The following ELOA2 variants were observed in gnomAD, a reference collection of about 807,000 sequenced individuals.
The protein encoded by ELOA2 is elongin A2, also known as elongin-A2.
For synonymous variants in ELOA2, 497 were observed against 398.8 expected (o/e 1.25, Z -2.94); for missense variants, 1,271 against 979.7 (o/e 1.30, Z -3.97).
chr18:47,033,886 G>A lies in ELOA2; in HGVS notation c.1379C>T (p.Ser460Leu), dbSNP rs536619955. ...GGCCTCTGAGAGGTCCCAGAGCTCT[G>A]AGAAGACATGGCTGGGCACCGTTTT... ...GPKTVPSHVF[S>L]ELWDLSEAWM... The change falls in exon 1 of 1, where the codon TCA becomes TTA. Residue 460 changes from serine (S) to leucine (L), a missense_variant. Physicochemically the swap from Ser to Leu is moderately radical, Grantham distance 145 (BLOSUM62 -2). Coordinates refer to ENST00000332567, the MANE Select transcript of ELOA2 (RefSeq NM_016427.3). The A allele has an allele frequency of 1.6e-4, 258 of 1,613,786 alleles. 2 individuals are homozygous for A. In the Admixed American group the frequency reaches 4.2e-3, roughly 27 times the overall value.
chr18:47,033,315 C>A lies in ELOA2; in HGVS notation c.1950G>T (p.Thr650=), dbSNP rs1445000148. 6.2e-7 allele frequency: 1 copy of A among 1,613,552 alleles called. No homozygotes were observed. The highest frequency in any genetic ancestry group is 1.3e-5 in the African/African-American group (1 of 74,918). Residue 650 remains threonine, a synonymous_variant, in exon 1 of 1, where the codon ACG becomes ACT. Transcript: ENST00000332567. ...KMICFKSVAK[T]PYDTSRRQEK... ...CTTGCCTCCTTGAAGTATCATAAGG[C>A]GTCTTGGCCACAGATTTGAAACAGA...
rs369739936 is a variant in ELOA2, at chr18:47,034,345, C to T, written c.920G>A (p.Arg307Lys). 3.3e-5 allele frequency: 53 copies of T among 1,613,470 alleles called. No individual in the cohort carries two copies. The highest frequency in any genetic ancestry group is 4.2e-5 in the Non-Finnish European group (49 of 1,179,622). ...LEEAPDSHQK[R>K]PQHSHSNKKR... ...CTTGTTCGAGTGACTGTGCTGAGGC[C>T]TCTTCTGGTGACTGTCTGGAGCCTC... The change falls in exon 1 of 1, where the codon AGG (arginine) becomes AAG (lysine). Residue 307 changes from arginine to lysine, a missense_variant. Coordinates refer to ENST00000332567, the MANE Select transcript of ELOA2 (RefSeq NM_016427.3).
chr18:47,033,279 T>C lies in ELOA2; in HGVS notation c.1986A>G (p.Ala662=). 6.2e-7 allele frequency: 1 copy of C among 1,613,532 alleles called. No homozygotes were observed. Among genetic ancestry groups the C allele is most frequent in the Non-Finnish European group, 8.5e-7 (1 of 1,180,032 alleles). The change falls in exon 1 of 1, where the codon GCA becomes GCG. Residue 662 remains alanine, a synonymous_variant. Coordinates refer to ENST00000332567, the MANE Select transcript of ELOA2 (RefSeq NM_016427.3). ...CCCCATTTTCGGGGTCAGCGTCTCC[T>C]GCAGACTTCTCTTGCCTCCTTGAAG... ...YDTSRRQEKS[A]GDADPENGEI...
Position 47,033,999 on chromosome 18 carries a change from C to T in ELOA2, c.1266G>A (p.Glu422=), listed in dbSNP as rs770539652. 6 of 1,613,838 alleles carry T rather than the reference C, an allele frequency of 3.7e-6. No individual in the cohort carries two copies. The highest frequency in any genetic ancestry group is 5.1e-6 in the Non-Finnish European group (6 of 1,180,046). Residue 422 remains glutamate (E), a synonymous_variant, in exon 1 of 1, where the codon GAG becomes GAA. Transcript: ENST00000332567. ...GCAATTTCTTAGCCGAATCCCAGGA[C>T]TCACGAGTGCCCTTGGATTCGTTTG... ...RKANESKGTR[E]SWDSAKKLPP...
At position 47,035,188 on chromosome 18, in the gene ELOA2, T is replaced by A; in HGVS notation, c.77A>T (p.Lys26Met). The A allele has an allele frequency of 6.2e-7, 1 of 1,612,530 alleles. No homozygotes were observed. Among genetic ancestry groups the A allele is most frequent in the South Asian group, 1.1e-5 (1 of 91,006 alleles). ...VRLATKTEPK[K>M]LEKYLQKLSA... ...GAGTTTCTGCAAATATTTCTCTAGC[T>A]TTTTCGGCTCCGTCTTAGTGGCCAG... The change falls in exon 1 of 1, where the codon AAG becomes ATG. Residue 26 changes from lysine to methionine, a missense_variant. Lys to Met is a moderately conservative substitution (Grantham distance 95). Coordinates refer to ENST00000332567, the MANE Select transcript of ELOA2 (RefSeq NM_016427.3).
At position 47,034,456 on chromosome 18, in the gene ELOA2, C is replaced by T; in HGVS notation, c.809G>A (p.Ser270Asn). 1.9e-6 allele frequency: 3 copies of T among 1,614,186 alleles called. No homozygotes were observed. Among genetic ancestry groups the T allele is most frequent in the Non-Finnish European group, 2.5e-6 (3 of 1,180,048 alleles). ...GTCCGAAGGCTGCCTGTCCCTGGCA[C>T]TTGCCCAGGAGGGCATCCTTGGGGT... ...EETPRMPSWA[S>N]ARDRQPSDFK... The change falls in exon 1 of 1, where the codon AGT becomes AAT. Residue 270 changes from serine (S) to asparagine (N), a missense_variant. By Grantham distance (46) the Ser-to-Asn change is conservative. Coordinates refer to ENST00000332567, the MANE Select transcript of ELOA2 (RefSeq NM_016427.3).
rs1198188279 is a variant in ELOA2, at chr18:47,032,996, C to G, written c.*7G>C. On this transcript the variant is annotated 3_prime_UTR_variant, in exon 1 of 1. Transcript: ENST00000332567. ...CCCAGATTTTATCTGCAAGGCAAGT[C>G]CTGAGTTTATCGTCGGGAGAATCTT... is the stretch of plus-strand genomic sequence containing the variant. 2.5e-6 allele frequency: 4 copies of G among 1,613,928 alleles called. No individual in the cohort carries two copies. The highest frequency in any genetic ancestry group is 1.7e-5 in the Admixed American group (1 of 60,010).
rs1260510100 is a variant in ELOA2 at position 47,034,211 on chromosome 18, G to A, written c.1054C>T (p.Pro352Ser). 2.5e-6 allele frequency: 4 copies of A among 1,613,760 alleles called. No homozygotes were observed. The African/African-American group carries it at 5.3e-5, about 22-fold the overall frequency. ...GACGTTCTGTCCAAATGAGCAGTCG[G>A]TGGCTTCCCCTCTTGAGTCTCTCGG... ...NDRETQEGKPPTAHLDRTSVS... is the reference protein window; with the variant it reads ...NDRETQEGKPSTAHLDRTSVS... The change falls in exon 1 of 1, where the codon CCG becomes TCG. Residue 352 changes from proline to serine, a missense_variant. Transcript: ENST00000332567.
At position 47,034,672 on chromosome 18, in the gene ELOA2, G is replaced by A. The variant is rs373214046; in HGVS notation, c.593C>T (p.Thr198Ile). 175 of 1,613,494 alleles carry A rather than the reference G, an allele frequency of 1.1e-4. No homozygotes were observed. The highest frequency in any genetic ancestry group is 1.7e-4 in the Middle Eastern group (1 of 5,752). ...CAGAGGCCCGCCCTGAGCCGCGTGA[G>A]TGTGGCCTCTTCCGGGTTGCTTCCC... ...APGKQPGRGH[T>I]HAAQGGPLLC... The change falls in exon 1 of 1, where the codon ACT becomes ATT. Residue 198 changes from threonine (T) to isoleucine (I), a missense_variant. Physicochemically the swap from Thr to Ile is moderately conservative, Grantham distance 89. Transcript: ENST00000332567.
Position 47,033,205 on chromosome 18 carries a change from C to G in ELOA2, c.2060G>C (p.Ser687Thr). The change falls in exon 1 of 1, where the codon AGC becomes ACC. Residue 687 changes from serine (S) to threonine (T), a missense_variant. Coordinates refer to ENST00000332567, the MANE Select transcript of ELOA2 (RefSeq NM_016427.3). ...KPAGSSHTPS[S>T]QSSSGGGRDS... ...TCTGCCACCGCCGCTGCTGCTCTGG[C>G]TGGAGGGAGTGTGGCTGCTTCCCGC... 6.2e-7 allele frequency: 1 copy of G among 1,614,080 alleles called. No individual in the cohort carries two copies. The highest frequency in any genetic ancestry group is 1.1e-5 in the South Asian group (1 of 91,080).
Position 47,034,148 on chromosome 18 carries a change from C to T in ELOA2, c.1117G>A (p.Ala373Thr), listed in dbSNP as rs760844696. Residue 373 changes from alanine to threonine, a missense_variant, in exon 1 of 1, where the codon GCT becomes ACT. Transcript: ENST00000332567. The part of the protein sequence containing the change: ...SLSEVEEVDM[A>T]EEFEQPTLSC... ...AGAGTGGGCTGCTCGAATTCCTCAGCCATATCTACCTCCTCCACCTCAGAG... is the reference window on the plus strand; with the variant it reads ...AGAGTGGGCTGCTCGAATTCCTCAGTCATATCTACCTCCTCCACCTCAGAG... 4.3e-6 allele frequency: 7 copies of T among 1,614,206 alleles called. No individual in the cohort carries two copies. Among genetic ancestry groups the T allele is most frequent in the Non-Finnish European group, 5.9e-6 (7 of 1,180,046 alleles).
rs1400774122 is a variant in ELOA2 at position 47,033,663 on chromosome 18, G to C, written c.1602C>G (p.Ala534=). ...CGTCCGGATTGTTTCTAAGCACCTG[G>C]GCACACTGCTGGCGCAGCGTCGGCA... is the stretch of plus-strand genomic sequence containing the variant. ...LQVPTLRQQC[A]QVLRNNPDAL... is the part of the protein sequence containing the mutation. The change falls in exon 1 of 1, where the codon GCC becomes GCG. Residue 534 remains alanine, a synonymous_variant. Coordinates refer to ENST00000332567, the MANE Select transcript of ELOA2 (RefSeq NM_016427.3). 1.9e-6 allele frequency: 3 copies of C among 1,614,064 alleles called. No individual in the cohort carries two copies. In the African/African-American group the frequency reaches 4.0e-5, roughly 22 times the overall value.
At position 47,032,855 on chromosome 18, in the gene ELOA2, C is replaced by G; in HGVS notation, c.*148G>C. 1 of 1,490,650 alleles carries G rather than the reference C, an allele frequency of 6.7e-7. No homozygotes were observed. The highest frequency in any genetic ancestry group is 9.1e-7 in the Non-Finnish European group (1 of 1,102,314). The allele number at this position is 1,490,650 out of a possible 1,614,324, so 92.3% of individuals were successfully genotyped here. A position where few individuals can be genotyped will look rare whatever the true frequency, so the allele number is the denominator to read the frequency against. On this transcript the variant is annotated 3_prime_UTR_variant, in exon 1 of 1. Coordinates refer to ENST00000332567, the MANE Select transcript of ELOA2 (RefSeq NM_016427.3). ...GGTGTGGGAGGCAAAATCACAGGGC[C>G]AGCACATGACACCTGCAGAATTCAA... is the stretch of plus-strand genomic sequence containing the variant.
In ELOA2 at chr18:47,033,485, T is replaced by G. The variant is rs199943598; in HGVS notation, c.1780A>C (p.Lys594Gln). The part of the protein sequence containing the change: ...LRRNHCFQDF[K>Q]EEKPQENKTW... ...TTGTTTTCCTGTGGCTTTTCTTCCT[T>G]GAAGTCCTGGAAACAATGATTCCTC... Residue 594 changes from lysine to glutamine, a missense_variant, in exon 1 of 1, where the codon AAG (lysine) becomes CAG (glutamine). Lys to Gln is a moderately conservative substitution (Grantham distance 53). Transcript: ENST00000332567. 1.2e-5 allele frequency: 20 copies of G among 1,614,172 alleles called. No homozygotes were observed. The East Asian group carries it at 4.5e-4, about 36-fold the overall frequency.
chr18:47,032,957 A>G lies in ELOA2; in HGVS notation c.*46T>C. 6.2e-7 allele frequency: 1 copy of G among 1,613,214 alleles called. No homozygotes were observed. The highest frequency in any genetic ancestry group is 1.1e-5 in the South Asian group (1 of 91,048). On this transcript the variant is annotated 3_prime_UTR_variant, in exon 1 of 1. Transcript: ENST00000332567. ...TTCCCCAACCCGCATTGACTTTGCC[A>G]ATGCAAAAATCCCCCCAGATTTTAT...
At position 47,034,820 on chromosome 18, in the gene ELOA2, G is replaced by A. The variant is rs1351919788; in HGVS notation, c.445C>T (p.Arg149Cys). The part of the protein sequence containing the change: ...QQRPHPRSHS[R>C]EPRAERKCPR... ...CACTTTCTCTCAGCTCTGGGCTCGC[G>A]ACTGTGAGACCTCGGGTGAGGTCTC... Residue 149 changes from arginine to cysteine, a missense_variant, in exon 1 of 1, where the codon CGC becomes TGC. Coordinates refer to ENST00000332567, the MANE Select transcript of ELOA2 (RefSeq NM_016427.3). 3 of 1,612,122 alleles carry A rather than the reference G, an allele frequency of 1.9e-6. No individual in the cohort carries two copies. The highest frequency in any genetic ancestry group is 2.2e-5 in the East Asian group (1 of 44,870).
rs1284620196 is a variant in ELOA2 at position 47,034,209 on chromosome 18, CGGT to C, written c.1053_1055del (p.Pro352del). On this transcript the variant is annotated inframe_deletion, in exon 1 of 1. Transcript: ENST00000332567. Reference sequence around the variant, plus strand: ...CGGACGTTCTGTCCAAATGAGCAGTCGGTGGCTTCCCCTCTTGAGTCTCTCGGT... The same window carrying C: ...CGGACGTTCTGTCCAAATGAGCAGTCGGCTTCCCCTCTTGAGTCTCTCGGT... 2 of 1,613,814 alleles carry C rather than the reference CGGT, an allele frequency of 1.2e-6. No individual in the cohort carries two copies. The highest frequency in any genetic ancestry group is 1.7e-6 in the Non-Finnish European group (2 of 1,179,714).
chr18:47,034,219 C>T lies in ELOA2; in HGVS notation c.1046G>A (p.Gly349Glu), dbSNP rs2571029. The T allele has an allele frequency of 2.5e-6, 4 of 1,613,770 alleles. No homozygotes were observed. Among genetic ancestry groups the T allele is most frequent in the Non-Finnish European group, 3.4e-6 (4 of 1,179,764 alleles). Residue 349 changes from glycine to glutamate, a missense_variant, in exon 1 of 1, where the codon GGG becomes GAG. Transcript: ENST00000332567. ...GTCCAAATGAGCAGTCGGTGGCTTCCCCTCTTGAGTCTCTCGGTCGTTGGA... is the reference window on the plus strand; with the variant it reads ...GTCCAAATGAGCAGTCGGTGGCTTCTCCTCTTGAGTCTCTCGGTCGTTGGA... ...QLSNDRETQE[G>E]KPPTAHLDRT... is the part of the protein sequence containing the mutation.
In ELOA2 at chr18:47,035,348, G is replaced by A. The variant is rs1357704392; in HGVS notation, c.-84C>T. 31 of 1,597,990 alleles carry A rather than the reference G, an allele frequency of 1.9e-5. No individual in the cohort carries two copies. The highest frequency in any genetic ancestry group is 2.6e-5 in the Non-Finnish European group (30 of 1,171,600). ...GCGGGACAGGAAGTCTGGGGTGGCCGGTCCTCGCTGCCCGGTCGCCAGGCA... is the reference window on the plus strand; with the variant it reads ...GCGGGACAGGAAGTCTGGGGTGGCCAGTCCTCGCTGCCCGGTCGCCAGGCA... On this transcript the variant is annotated 5_prime_UTR_variant, in exon 1 of 1. Transcript: ENST00000332567.
Sources: allele counts gnomAD v4.1 joint callset, GRCh38; gene constraint gnomAD v4.1.1; transcripts MANE v1.5; gene names NCBI Gene and HGNC (gene_info 2026-07-23, HGNC 2026-07-21).